The following BLM variants were observed in gnomAD, a reference collection of about 807,000 sequenced individuals.
The protein encoded by BLM is recQ-like DNA helicase BLM.
A neutral mutation model predicts 135.3 loss-of-function variants in BLM; 95 were observed. The observed-to-expected ratio is 0.70, with a 90% CI of 0.59 to 0.83. The LOEUF is 0.83. Ranked by LOEUF, BLM falls within the 40% of genes least tolerant of loss-of-function variation. The pLI, the probability that BLM is intolerant of heterozygous loss-of-function variation, is 0.00. For missense variants in BLM, 1,518 were observed against 1,663.9 expected (o/e 0.91, Z 1.53); for synonymous variants, 520 against 589.2 (o/e 0.88, Z 1.70).
At chr15:90,773,937 T>C (rs1165221020) in intron 12 of BLM, among the ~76,000 whole-genome samples, 1 of 152,208 alleles carries the variant, frequency 6.6e-6, no homozygotes, top group Non-Finnish European at 1.5e-5. Context: ...AATGCTGCTG[T>C]GAACATTTGT....
intron 12 of BLM, among the ~76,000 whole-genome samples, chr15:90,779,967 C>T (rs1476716065): frequency 6.6e-6 from 1 of 151,558 alleles, no homozygotes; most frequent in Admixed American, 6.6e-5. Context: ...CATCCTGGAA[C>T]AGTGCACAGT....
chr15:90,732,844 C>G (rs546688294), intron 1 of BLM, among the ~76,000 whole-genome samples: 4 of 152,222 alleles, frequency 2.6e-5, no homozygotes, highest in African/African-American at 9.6e-5. Context: ...GCCAGTAATC[C>G]CAGCACTTTG....
chr15:90,755,743 T>C (rs963019212), intron 5 of BLM, among the ~76,000 whole-genome samples: 1 of 152,222 alleles, frequency 6.6e-6, no homozygotes, highest in Non-Finnish European at 1.5e-5. Flanking sequence ...TTTCATCTCT[T>C]GATTTTCTAC....
At chr15:90,799,112 C>G (rs1427398044) in intron 17 of BLM, among the ~76,000 whole-genome samples, 3 of 151,468 alleles carry the variant, frequency 2.0e-5, no homozygotes, top group African/African-American at 7.3e-5. Flanking sequence ...TTGCAGTGAG[C>G]CGAGGTCACG....
At chr15:90,737,572 G>C (rs985871220) in intron 1 of BLM, among the ~76,000 whole-genome samples, 1 of 152,066 alleles carries the variant, frequency 6.6e-6, no homozygotes, top group Non-Finnish European at 1.5e-5. Flanking sequence ...AAAGGACAGA[G>C]GAACCAATGG....
At chr15:90,759,488 G>A (rs1373084109) in intron 5 of BLM, among the ~76,000 whole-genome samples, 1 of 152,122 alleles carries the variant, frequency 6.6e-6, no homozygotes, top group Non-Finnish European at 1.5e-5. Context: ...ACCTACTTGG[G>A]GAGGCTGAGG....
intron 1 of BLM, among the ~76,000 whole-genome samples, chr15:90,734,969 A>G (rs957856295): frequency 6.6e-6 from 1 of 152,102 alleles, no homozygotes; most frequent in African/African-American, 2.4e-5. Context: ...CAGAAAATCA[A>G]TAATGAAACT....
At chr15:90,797,075 A>C (rs1167618303) in intron 16 of BLM, among the ~76,000 whole-genome samples, 1 of 152,092 alleles carries the variant, frequency 6.6e-6, no homozygotes, top group Non-Finnish European at 1.5e-5. Context: ...CAAGAACCAA[A>C]AGACCAAAGT....
At position 90,748,058 on chromosome 15, in the gene BLM, G is replaced by A. The variant is rs939859414; in HGVS notation, c.98+568G>A. On this transcript the variant is annotated intron_variant, in intron 2 of 21. Transcript: ENST00000355112. ...CCTGACCTCATGATCCACCTGCCTC[G>A]GCCTCCCAAAGTGCTGGGATTACAT... Among the ~76,000 whole-genome samples the A allele has an allele frequency of 4.0e-5, 6 of 150,840 alleles. No homozygotes were observed. In the South Asian group the frequency reaches 6.3e-4, roughly 16 times the overall value.
chr15:90,775,450 A>AAT (rs981833562), intron 12 of BLM, among the ~76,000 whole-genome samples: 12 of 148,866 alleles, frequency 8.1e-5, no homozygotes, highest in Admixed American at 2.0e-4. Flanking sequence ...ATATGTTTTA[A>AAT]ATATATATAT....
chr15:90,801,929 A>G (rs1315159218), intron 17 of BLM, among the ~76,000 whole-genome samples: 1 of 152,088 alleles, frequency 6.6e-6, no homozygotes, highest in Non-Finnish European at 1.5e-5. Context: ...GGTAGCACGC[A>G]CCTGTAGTGC....
rs979198063 is a variant in BLM, at chr15:90,794,444, T to C, written c.3210+87T>C. 5 of 1,122,986 alleles carry C rather than the reference T, an allele frequency of 4.5e-6. No homozygotes were observed. In the East Asian group the frequency reaches 1.1e-4, roughly 24 times the overall value. 69.6% of individuals were successfully genotyped at this position (1,122,986 alleles called of 1,614,324 possible). A position where few individuals can be genotyped will look rare whatever the true frequency, so the allele number is the denominator to read the frequency against. Reference sequence around the variant, plus strand: ...TAGATACAAATTAGATTGCAAAAGGTGGTCTCCGACAGATTAACAGGGGAA... The same window carrying C: ...TAGATACAAATTAGATTGCAAAAGGCGGTCTCCGACAGATTAACAGGGGAA... On this transcript the variant is annotated intron_variant, in intron 16 of 21. Transcript: ENST00000355112.
chr15:90,734,652 TACACACACACGCGCGCACGCACGC>T (rs1895154721), intron 1 of BLM, among the ~76,000 whole-genome samples: 1 of 118,170 alleles, frequency 8.5e-6, no homozygotes, highest in South Asian at 2.8e-4. Context: ...CACGCACACA[TACACACACACGCGCGCACGCACGC>T]ACACACACAC....
At chr15:90,802,820 T>C (rs1024351992) in intron 17 of BLM, among the ~76,000 whole-genome samples, 5 of 152,008 alleles carry the variant, frequency 3.3e-5, no homozygotes, top group Non-Finnish European at 5.9e-5. Context: ...AAGAGTGTCA[T>C]TGGATTGTTT....
In BLM at chr15:90,782,923, A is replaced by C. The variant is rs1420145471; in HGVS notation, c.2657A>C (p.His886Pro). 6.2e-7 allele frequency: 1 copy of C among 1,608,400 alleles called. No homozygotes were observed. Among genetic ancestry groups the C allele is most frequent in the Admixed American group, 1.7e-5 (1 of 60,000 alleles). Residue 886 changes from histidine to proline, a missense_variant, in exon 13 of 22, where the codon CAC (histidine) becomes CCC (proline). Transcript: ENST00000355112. Reference protein sequence around the residue: ...FDCLEWIRKHHPYDSGIIYCL... With the variant: ...FDCLEWIRKHPPYDSGIIYCL... Reference sequence around the variant, plus strand: ...TGCCTAGAATGGATCAGAAAGCACCACCCATGTGAGTACAGCCATGTGATT... The same window carrying C: ...TGCCTAGAATGGATCAGAAAGCACCCCCCATGTGAGTACAGCCATGTGATT...
chr15:90,788,475 T>TGTTTTTTTTTTTTTTTTTTTTG (rs200395400), intron 14 of BLM, among the ~76,000 whole-genome samples: 2 of 101,976 alleles, frequency 2.0e-5, no homozygotes, highest in African/African-American at 4.3e-5. Context: ...TGTTTTGTTT[T>TGTTTTTTTTTTTTTTTTTTTTG]TTTTTTTTTT....
chr15:90,749,279 T>C, intron 2 of BLM, 88 bp from the exon 3 acceptor site: 1 of 899,822 alleles, frequency 1.1e-6, no homozygotes. Flanking sequence ...ATGTAACCTG[T>C]GTGAATTAGT....
chr15:90,740,315 T>G (rs1001964229), intron 1 of BLM, among the ~76,000 whole-genome samples: 2 of 152,238 alleles, frequency 1.3e-5, no homozygotes, highest in Non-Finnish European at 2.9e-5. Flanking sequence ...ACATTTCATA[T>G]AAATGGAATC....
At chr15:90,784,520 A>C (rs1309113663) in intron 13 of BLM, among the ~76,000 whole-genome samples, 1 of 151,172 alleles carries the variant, frequency 6.6e-6, no homozygotes, top group East Asian at 1.9e-4. Flanking sequence ...ATTTTTAGTG[A>C]AGATAGCTTT....
Sources: allele counts gnomAD v4.1 joint callset (sites outside exome capture counted in the v4.1 genomes callset), GRCh38; gene constraint gnomAD v4.1.1; transcripts MANE v1.5; gene names NCBI Gene and HGNC (gene_info 2026-07-23, HGNC 2026-07-21).